Variants in SLC14A2 observed in about 807,000 individuals in gnomAD.
The protein encoded by SLC14A2 is solute carrier family 14 member 2, also known as urea transporter 2.
A neutral mutation model predicts 104.6 loss-of-function variants in SLC14A2; 91 were observed. That is an observed-to-expected ratio of 0.87 (90% confidence interval 0.73 to 1.04). The LOEUF (loss-of-function observed/expected upper bound fraction) is 1.04. Ranked by LOEUF, SLC14A2 falls within the 50% of genes least tolerant of loss-of-function variation. The probability of loss-of-function intolerance (pLI) is 0.00; values close to 1 mark genes in which losing one functional copy is unlikely to be tolerated. For synonymous variants in SLC14A2, 476 were observed against 466.4 expected (o/e 1.02, Z -0.27); for missense variants, 1,189 against 1,156.0 (o/e 1.03, Z -0.41).
At chr18:45,379,430 T>G (rs569930925) in intron 1 of SLC14A2, among the ~76,000 whole-genome samples, 26 of 152,296 alleles carry the variant, frequency 1.7e-4, no homozygotes, top group African/African-American at 6.0e-4. Flanking sequence ...CTGCACCACA[T>G]GGAACTATTC....
intron 2 of SLC14A2, among the ~76,000 whole-genome samples, chr18:45,512,491 A>G (rs1355483011): frequency 2.0e-5 from 3 of 152,266 alleles, no homozygotes; most frequent in South Asian, 2.1e-4. Context: ...ATGCCTTTCC[A>G]TCATTTTGGC....
intron 1 of SLC14A2, among the ~76,000 whole-genome samples, chr18:45,344,788 C>G (rs1441053392): frequency 1.3e-5 from 2 of 152,200 alleles, no homozygotes; most frequent in African/African-American, 4.8e-5. Flanking sequence ...CAAGAAGCCA[C>G]ATCAATTAGG....
At chr18:45,516,551 A>G (rs2043444558) in intron 2 of SLC14A2, among the ~76,000 whole-genome samples, 1 of 152,226 alleles carries the variant, frequency 6.6e-6, no homozygotes, top group Admixed American at 6.5e-5. Flanking sequence ...AACCCAAAGA[A>G]GCAAACTTCT....
intron 1 of SLC14A2, among the ~76,000 whole-genome samples, chr18:45,416,953 A>C (rs1347415963): frequency 1.3e-5 from 2 of 152,224 alleles, no homozygotes; most frequent in Non-Finnish European, 2.9e-5. Flanking sequence ...GCGAGGTCCC[A>C]GTGCCTATGG....
At chr18:45,532,060 A>C (rs1405760751) in intron 2 of SLC14A2, among the ~76,000 whole-genome samples, 1 of 152,052 alleles carries the variant, frequency 6.6e-6, no homozygotes, top group Non-Finnish European at 1.5e-5. Context: ...ATTGGTCTAT[A>C]TCTCTGTTTT....
intron 1 of SLC14A2, among the ~76,000 whole-genome samples, chr18:45,414,997 G>A (rs1264750046): frequency 6.6e-6 from 1 of 151,728 alleles, no homozygotes; most frequent in Non-Finnish European, 1.5e-5. Context: ...AAGGGTGCCT[G>A]CTTTTTTAAA....
chr18:45,222,260 A>C (rs78452427), intron 1 of SLC14A2, among the ~76,000 whole-genome samples: 17,880 of 152,222 alleles, frequency 0.12, 1,056 homozygotes, highest in African/African-American at 0.12. Context: ...TCTTTCTGCC[A>C]AAAAAAGTAT....
intron 1 of SLC14A2, among the ~76,000 whole-genome samples, chr18:45,317,794 G>C (rs1172230115): frequency 6.6e-6 from 1 of 152,252 alleles, no homozygotes; most frequent in East Asian, 1.9e-4. Flanking sequence ...CTCCCCTTCT[G>C]TCTCCTCCAC....
At chr18:45,435,686 C>T (rs925733701) in intron 1 of SLC14A2, among the ~76,000 whole-genome samples, 1 of 152,160 alleles carries the variant, frequency 6.6e-6, no homozygotes, top group Non-Finnish European at 1.5e-5. Flanking sequence ...AGAGAAAGAG[C>T]AATCCACTGG....
chr18:45,373,677 C>T (rs2085745326), intron 1 of SLC14A2, among the ~76,000 whole-genome samples: 1 of 152,066 alleles, frequency 6.6e-6, no homozygotes, highest in African/African-American at 2.4e-5. Context: ...GAAAAATGGC[C>T]CACGGTCAAA....
chr18:45,604,923 A>T (rs763478804), intron 2 of SLC14A2, among the ~76,000 whole-genome samples: 1 of 152,202 alleles, frequency 6.6e-6, no homozygotes, highest in Non-Finnish European at 1.5e-5. Context: ...AGGAACCAAT[A>T]GCCCTACCAT....
chr18:45,204,905 C>T, the SLC14A2 span, among the ~76,000 whole-genome samples: 6 of 151,776 alleles, frequency 4.0e-5, no homozygotes, highest in Admixed American at 2.6e-4. Context: ...GCTAATGTTG[C>T]ATGAAGAGAG....
the SLC14A2 span, among the ~76,000 whole-genome samples, chr18:45,190,290 G>A: frequency 6.6e-6 from 1 of 152,098 alleles, no homozygotes; most frequent in South Asian, 2.1e-4. Flanking sequence ...AACTACAAAA[G>A]TTCTCAAAAT....
intron 1 of SLC14A2, among the ~76,000 whole-genome samples, chr18:45,426,672 T>TAC (rs1193685115): frequency 1.4e-5 from 2 of 140,060 alleles, no homozygotes; most frequent in Admixed American, 1.5e-4. Context: ...TACATATATA[T>TAC]ACACACATAT....
At chr18:45,643,494 T>A (rs2045567012) in intron 9 of SLC14A2, among the ~76,000 whole-genome samples, 1 of 152,190 alleles carries the variant, frequency 6.6e-6, no homozygotes, top group Non-Finnish European at 1.5e-5. Context: ...TTCAGCTCCA[T>A]CATTGAAAGA....
intron 2 of SLC14A2, among the ~76,000 whole-genome samples, chr18:45,589,912 T>C (rs1294202017): frequency 6.6e-6 from 1 of 152,238 alleles, no homozygotes; most frequent in African/African-American, 2.4e-5. Flanking sequence ...TGCAAATTTC[T>C]GTGTCTGAGC....
At chr18:45,506,588 C>T (rs2043289267) in intron 2 of SLC14A2, among the ~76,000 whole-genome samples, 1 of 152,152 alleles carries the variant, frequency 6.6e-6, no homozygotes, top group African/African-American at 2.4e-5. Flanking sequence ...AAACAAAGGG[C>T]ATGTGAAGAC....
intron 1 of SLC14A2, among the ~76,000 whole-genome samples, chr18:45,342,388 T>C (rs1211690371): frequency 6.6e-6 from 1 of 152,052 alleles, no homozygotes; most frequent in African/African-American, 2.4e-5. Flanking sequence ...GGGGGATTCC[T>C]TTGAAAGAAG....
At chr18:45,663,653 T>A (rs960278349) in intron 10 of SLC14A2, 132 bp from the exon 11 acceptor site, 1 of 936,096 alleles carries the variant, frequency 1.1e-6, no homozygotes, top group Non-Finnish European at 1.6e-6. Context: ...ACTGATGCAA[T>A]GACTACTCCA....
Sources: allele counts gnomAD v4.1 joint callset (sites outside exome capture counted in the v4.1 genomes callset), GRCh38; gene constraint gnomAD v4.1.1; transcripts MANE v1.5; gene names NCBI Gene and HGNC (gene_info 2026-07-23, HGNC 2026-07-21).